Variants in IL1RAPL2 observed in about 807,000 individuals in gnomAD.
IL1RAPL2 encodes the protein X-linked interleukin-1 receptor accessory protein-like 2.
IL1RAPL2 carries 3 observed loss-of-function variants against 44.1 expected under a neutral mutation model. The observed-to-expected ratio is 0.07, with a 90% CI of 0.03 to 0.18. The LOEUF (loss-of-function observed/expected upper bound fraction) is 0.18, where lower values mean the gene tolerates loss of function less well. IL1RAPL2 is among the 10% of genes least tolerant of loss of function. The pLI, the probability that IL1RAPL2 is intolerant of heterozygous loss-of-function variation, is 1.00. For synonymous variants in IL1RAPL2, 181 were observed against 178.8 expected, an observed-to-expected ratio of 1.01 and a Z score of -0.10; for missense variants, 391 against 496.4, an observed-to-expected ratio of 0.79 and a Z score of 2.02.
chrX:105,616,437 C>T (rs1428015309), intron 6 of IL1RAPL2, among the ~76,000 whole-genome samples: 2 of 111,646 alleles, frequency 1.8e-5, no homozygotes, highest in East Asian at 5.6e-4. Context: ...ACTTCCCTAC[C>T]AACACTTGGT....
intron 1 of IL1RAPL2, among the ~76,000 whole-genome samples, chrX:104,644,417 G>A (rs927255245): frequency 2.7e-5 from 3 of 111,402 alleles, no homozygotes; most frequent in Admixed American, 9.6e-5. Flanking sequence ...GCCACAAGAT[G>A]GCAACTCCCC....
chrX:104,915,805 G>T (rs377168436), intron 2 of IL1RAPL2, among the ~76,000 whole-genome samples: 1 of 111,609 alleles, frequency 9.0e-6, no homozygotes, highest in Non-Finnish European at 1.9e-5. Context: ...CGTTTTCCCA[G>T]CACCATTTAT....
chrX:105,507,603 T>G (rs2036440138), intron 6 of IL1RAPL2, among the ~76,000 whole-genome samples: 1 of 111,574 alleles, frequency 9.0e-6, no homozygotes, highest in Non-Finnish European at 1.9e-5. Flanking sequence ...GGAATTATAC[T>G]ACGTATAGGC....
At chrX:105,221,826 A>G (rs2033967843) in intron 3 of IL1RAPL2, among the ~76,000 whole-genome samples, 1 of 111,292 alleles carries the variant, frequency 9.0e-6, no homozygotes, top group Non-Finnish European at 1.9e-5. Flanking sequence ...CAATACAGAA[A>G]CCTCAAAATC....
At chrX:104,607,289 G>A (rs959644004) in intron 1 of IL1RAPL2, among the ~76,000 whole-genome samples, 1 of 111,994 alleles carries the variant, frequency 8.9e-6, no homozygotes, top group South Asian at 3.7e-4. Flanking sequence ...AAAAATCCTC[G>A]AAGAAAACCT....
At chrX:104,727,522 T>C (rs775397378) in intron 2 of IL1RAPL2, among the ~76,000 whole-genome samples, 3 of 111,681 alleles carry the variant, frequency 2.7e-5, no homozygotes, top group African/African-American at 9.7e-5. Context: ...GAAAACGGTA[T>C]GTAGATTTCT....
chrX:104,891,656 CTT>C (rs1301774655), intron 2 of IL1RAPL2, among the ~76,000 whole-genome samples: 2 of 112,239 alleles, frequency 1.8e-5, no homozygotes, highest in African/African-American at 6.5e-5. Flanking sequence ...TATCCTGAGA[CTT>C]TGCTGAAGTT....
intron 2 of IL1RAPL2, among the ~76,000 whole-genome samples, chrX:104,677,400 A>C (rs1453372787): frequency 9.0e-6 from 1 of 110,847 alleles, no homozygotes; most frequent in Admixed American, 9.5e-5. Context: ...CCTCCCAGTT[A>C]GGGTGCTCAG....
intron 5 of IL1RAPL2, among the ~76,000 whole-genome samples, chrX:105,284,996 A>G (rs2034560205): frequency 1.8e-5 from 2 of 112,034 alleles, no homozygotes; most frequent in African/African-American, 6.5e-5. Flanking sequence ...ATTTTTCCTC[A>G]CTGATAAAGA....
rs1023601874 is a variant in IL1RAPL2, at chrX:104,849,105, G to C, written c.82+190110G>C. 1.3e-4 allele frequency among the ~76,000 whole-genome samples: 14 copies of C among 109,090 alleles called. No individual in the cohort carries two copies. In the Admixed American group the frequency reaches 1.4e-3, roughly 11 times the overall value. 94.7% of individuals were successfully genotyped at this position (109,090 alleles called of 115,157 possible). A position where few individuals can be genotyped will look rare whatever the true frequency, so the allele number is the denominator to read the frequency against. On this transcript the variant is annotated intron_variant, in intron 2 of 10. Coordinates refer to ENST00000372582, the MANE Select transcript of IL1RAPL2 (RefSeq NM_017416.2). ...GAATTTAACTGAGTAATTGTTTTGA[G>C]GTCAGCCTCCATCTCCTGGGCTCAG...
intron 2 of IL1RAPL2, among the ~76,000 whole-genome samples, chrX:104,807,867 C>T (rs1166883377): frequency 9.0e-6 from 1 of 110,727 alleles, no homozygotes; most frequent in African/African-American, 3.3e-5. Context: ...TCTTTATGAA[C>T]AAAACATTTT....
At chrX:104,696,522 C>A (rs5917125) in intron 2 of IL1RAPL2, among the ~76,000 whole-genome samples, 41,366 of 110,833 alleles carry the variant, frequency 0.37, 5,940 homozygotes, top group East Asian at 0.47. Flanking sequence ...CACTAGTTTG[C>A]GGGACAGATA....
intron 2 of IL1RAPL2, among the ~76,000 whole-genome samples, chrX:105,057,706 G>T (rs749667996): frequency 9.0e-6 from 1 of 111,436 alleles, no homozygotes; most frequent in South Asian, 3.8e-4. Flanking sequence ...GCACATAGTA[G>T]ATGATTAATA....
intron 2 of IL1RAPL2, among the ~76,000 whole-genome samples, chrX:104,960,248 TGAA>T (rs1252924129): frequency 8.9e-6 from 1 of 112,014 alleles, no homozygotes; most frequent in Non-Finnish European, 1.9e-5. Flanking sequence ...GGAAGTCTAT[TGAA>T]GAATACAAGG....
intron 6 of IL1RAPL2, among the ~76,000 whole-genome samples, chrX:105,690,488 A>C (rs931619327): frequency 4.5e-5 from 5 of 110,419 alleles, no homozygotes; most frequent in African/African-American, 1.6e-4. Flanking sequence ...AGTATAATAA[A>C]ATCTACACTT....
chrX:105,305,609 C>T (rs1387339601), intron 5 of IL1RAPL2, among the ~76,000 whole-genome samples: 1 of 111,071 alleles, frequency 9.0e-6, no homozygotes, highest in Non-Finnish European at 1.9e-5. Context: ...TTTTCGAATG[C>T]TTAGCATTCC....
chrX:104,919,531 T>TTC (rs1305750530), intron 2 of IL1RAPL2, among the ~76,000 whole-genome samples: 1 of 99,103 alleles, frequency 1.0e-5, no homozygotes, highest in Non-Finnish European at 2.0e-5. Flanking sequence ...GGCTTTTTTT[T>TTC]TTTTTTCTTT....
chrX:105,486,954 T>C (rs762843300), intron 6 of IL1RAPL2, among the ~76,000 whole-genome samples: 8 of 108,508 alleles, frequency 7.4e-5, no homozygotes, highest in Non-Finnish European at 1.5e-4. Context: ...CAGCCAGGCA[T>C]GGTGGTAGGC....
chrX:105,037,242 G>C (rs1298910537), intron 2 of IL1RAPL2, among the ~76,000 whole-genome samples: 1 of 111,664 alleles, frequency 9.0e-6, no homozygotes, highest in Non-Finnish European at 1.9e-5. Flanking sequence ...TGGAGAAGAT[G>C]GTGATATTAC....
Sources: allele counts gnomAD v4.1 joint callset (sites outside exome capture counted in the v4.1 genomes callset), GRCh38; gene constraint gnomAD v4.1.1; transcripts MANE v1.5; gene names NCBI Gene and HGNC (gene_info 2026-07-23, HGNC 2026-07-21).